Variants in RNF212 observed in about 807,000 individuals in gnomAD.
RNF212 encodes the protein ring finger protein 212.
A neutral mutation model predicts 34.7 loss-of-function variants in RNF212; 33 were observed. That is an observed-to-expected ratio of 0.95 (90% CI 0.72 to 1.27). The LOEUF (loss-of-function observed/expected upper bound fraction) is 1.27. RNF212 is among the 50% of genes most tolerant of loss of function. The pLI, the probability that RNF212 is intolerant of heterozygous loss-of-function variation, is 0.00. For synonymous variants in RNF212, 140 were observed against 136.1 expected (o/e 1.03, Z -0.20); for missense variants, 377 against 362.2 (o/e 1.04, Z -0.33).
chr4:1,112,602 C>T (rs946686983), intron 1 of RNF212, among the ~76,000 whole-genome samples: 8 of 151,860 alleles, frequency 5.3e-5, no homozygotes, highest in Admixed American at 1.3e-4. Context: ...GCCGCCTGCC[C>T]GCTTCTCCCC....
exon 5 of RNF212, chr4:1,056,286 CTTAA>C (rs542285539): frequency 3.5e-4 from 54 of 152,982 alleles, no homozygotes; most frequent in Middle Eastern, 2.0e-3. Flanking sequence ...CACTACATTA[CTTAA>C]TTATTTCAAC....
At chr4:1,090,638 C>T (rs529034268) in intron 4 of RNF212, 144 bp downstream of exon 4, 35 of 642,366 alleles carry the variant, frequency 5.4e-5, no homozygotes, top group South Asian at 2.2e-4. Flanking sequence ...ACAGTGACAA[C>T]GTCCCCATAG....
Position 1,072,398 on chromosome 4 carries a change from T to G in RNF212, c.*476A>C, listed in dbSNP as rs1718601708. 1 of 158,786 alleles carries G rather than the reference T, an allele frequency of 6.3e-6. No individual in the cohort carries two copies. Among genetic ancestry groups the G allele is most frequent in the Non-Finnish European group, 1.4e-5 (1 of 72,498 alleles). The allele number at this position is 158,786 out of a possible 1,614,324, so 9.8% of individuals were successfully genotyped here. A position where few individuals can be genotyped will look rare whatever the true frequency, so the allele number is the denominator to read the frequency against. On this transcript the variant is annotated 3_prime_UTR_variant, in exon 10 of 10. Coordinates refer to ENST00000433731, the MANE Select transcript of RNF212 (RefSeq NM_001131034.4). The stretch of plus-strand genomic sequence containing the variant: ...CTAGAGTGAACCCTAATGTAAACCA[T>G]GGACGTTGGGTGATAATGATGTATT...
chr4:1,094,658 C>T (rs1722766516), intron 3 of RNF212, among the ~76,000 whole-genome samples: 1 of 152,140 alleles, frequency 6.6e-6, no homozygotes, highest in African/African-American at 2.4e-5. Flanking sequence ...CATTGCCATG[C>T]AGGGCTCAGC....
chr4:1,097,965 T>C (rs947008424), intron 2 of RNF212, among the ~76,000 whole-genome samples: 5 of 152,026 alleles, frequency 3.3e-5, no homozygotes, highest in African/African-American at 1.2e-4. Flanking sequence ...CTTGGGAGGC[T>C]GAGGCAGAAG....
intron 2 of RNF212, among the ~76,000 whole-genome samples, chr4:1,104,596 C>T (rs914123057): frequency 2.6e-5 from 4 of 152,112 alleles, no homozygotes; most frequent in African/African-American, 9.7e-5. Flanking sequence ...AGGGAGCAGG[C>T]GTGGTGATGA....
chr4:1,062,737 G>T (rs1216997125), intron 3 of RNF212, among the ~76,000 whole-genome samples: 1 of 152,066 alleles, frequency 6.6e-6, no homozygotes, highest in Non-Finnish European at 1.5e-5. Flanking sequence ...ATAAATAAAA[G>T]GCATCGTGGT....
chr4:1,102,347 T>C (rs571178946), intron 2 of RNF212, among the ~76,000 whole-genome samples: 1 of 152,216 alleles, frequency 6.6e-6, no homozygotes, highest in Non-Finnish European at 1.5e-5. Context: ...ACAGTTGGCC[T>C]TGTAGAACCT....
intron 3 of RNF212, 143 bp from the exon 4 acceptor site, chr4:1,090,981 C>G (rs543203897): frequency 1.7e-6 from 1 of 605,230 alleles, no homozygotes; most frequent in Admixed American, 3.1e-5. Context: ...CACAGACGCC[C>G]ATGGCCAGTG....
At chr4:1,083,680 T>C (rs891314852) in intron 5 of RNF212, among the ~76,000 whole-genome samples, 1 of 151,182 alleles carries the variant, frequency 6.6e-6, no homozygotes, top group Non-Finnish European at 1.5e-5. Context: ...ACAAACTCAG[T>C]GGGGTTCACT....
intron 6 of RNF212, 29 bp downstream of exon 6, chr4:1,081,538 T>G (rs1211546792): frequency 6.2e-7 from 1 of 1,608,490 alleles, no homozygotes; most frequent in East Asian, 2.2e-5. Context: ...ATCTCTATTT[T>G]GTTCTCTTTC....
rs753659568 is a variant in RNF212, at chr4:1,085,953, A to G, written c.305T>C (p.Ile102Thr). Reference sequence around the variant, plus strand: ...CCTAAGGGATTCTTCCAACCTAGAAATCTAAACATAATTACACAACCTCTT... The same window carrying G: ...CCTAAGGGATTCTTCCAACCTAGAAGTCTAAACATAATTACACAACCTCTT... Reference protein sequence around the residue: ...KRLLAFYREKISRLEESLRKS... With the variant: ...KRLLAFYREKTSRLEESLRKS... The change falls in exon 5 of 10, where the codon ATT becomes ACT. Residue 102 changes from isoleucine (I) to threonine (T), a missense_variant and splice_region_variant. Ile to Thr is a moderately conservative substitution (Grantham distance 89, BLOSUM62 -1). Coordinates refer to ENST00000433731, the MANE Select transcript of RNF212 (RefSeq NM_001131034.4). 4 of 1,603,890 alleles carry G rather than the reference A, an allele frequency of 2.5e-6. No individual in the cohort carries two copies. The East Asian group carries it at 8.9e-5, about 36-fold the overall frequency.
At chr4:1,096,693 C>G in intron 3 of RNF212, 72 bp downstream of exon 3, 1 of 1,002,918 alleles carries the variant, frequency 1.0e-6, no homozygotes, top group East Asian at 2.4e-5. Flanking sequence ...AAGCACACCC[C>G]TCATAGCTCC....
downstream of RNF212, among the ~76,000 whole-genome samples, chr4:1,067,254 T>C (rs975780063): frequency 3.3e-5 from 5 of 152,164 alleles, no homozygotes; most frequent in East Asian, 9.6e-4. Flanking sequence ...GATAAAAATA[T>C]TTATTGCAAA....
chr4:1,091,722 G>A (rs145986957), intron 3 of RNF212, among the ~76,000 whole-genome samples: 16 of 152,352 alleles, frequency 1.1e-4, no homozygotes, highest in African/African-American at 3.8e-4. Flanking sequence ...CCTCCTCCAT[G>A]AGAGGCCATC....
chr4:1,073,939 G>A (rs1482672939), intron 8 of RNF212, among the ~76,000 whole-genome samples: 2 of 151,946 alleles, frequency 1.3e-5, no homozygotes, highest in Non-Finnish European at 2.9e-5. Context: ...GCTCTACTAG[G>A]AATTTTAGGT....
At chr4:1,100,126 A>G (rs616569) in intron 2 of RNF212, 288,040 of 333,434 alleles carry the variant, frequency 0.86, 126,716 homozygotes, top group East Asian at 1. Flanking sequence ...TGTCAACACT[A>G]ATTTCATCTT....
In RNF212 at chr4:1,081,820, G is replaced by A. The variant is rs1331456986; in HGVS notation, c.363-201C>T. On this transcript the variant is annotated intron_variant, in intron 5 of 9. Transcript: ENST00000433731. ...TGCTCCTCCCTAGCGCTGAAGCCAA[G>A]TGAACTCAACACCCCACTGCCATTT... is the stretch of plus-strand genomic sequence containing the variant. The A allele has an allele frequency of 1.2e-5, 7 of 569,724 alleles. No individual in the cohort carries two copies. The Admixed American group carries it at 1.8e-4, about 15-fold the overall frequency. 35.3% of individuals were successfully genotyped at this position (569,724 alleles called of 1,614,324 possible).
chr4:1,111,151 C>T (rs1251160610), intron 1 of RNF212, among the ~76,000 whole-genome samples: 1 of 152,164 alleles, frequency 6.6e-6, no homozygotes, highest in African/African-American at 2.4e-5. Context: ...ACACCAATTC[C>T]TTGACTTCAC....
Sources: allele counts gnomAD v4.1 joint callset (sites outside exome capture counted in the v4.1 genomes callset), GRCh38; gene constraint gnomAD v4.1.1; transcripts MANE v1.5; gene names NCBI Gene and HGNC (gene_info 2026-07-23, HGNC 2026-07-21).